RNGTT: variants seen among roughly 807,000 people sequenced by gnomAD.
RNGTT encodes the protein RNA guanylyltransferase and 5'-phosphatase, also known as mRNA-capping enzyme.
RNGTT carries 33 observed loss-of-function variants against 79.3 expected under a neutral mutation model. That is an observed-to-expected ratio of 0.42 (90% CI 0.32 to 0.56). The LOEUF (loss-of-function observed/expected upper bound fraction) is 0.56, where lower values mean the gene tolerates loss of function less well. Ranked by LOEUF, RNGTT falls within the 20% of genes least tolerant of loss-of-function variation. The pLI is 0.17. For synonymous variants in RNGTT, 222 were observed against 235.9 expected (o/e 0.94, Z 0.54); for missense variants, 497 against 739.1 (o/e 0.67, Z 3.80).
chr6:88,816,816 G>A (rs1253626046), intron 11 of RNGTT, among the ~76,000 whole-genome samples: 1 of 152,082 alleles, frequency 6.6e-6, no homozygotes, highest in Non-Finnish European at 1.5e-5. Context: ...AGGTGACCCA[G>A]ATATATGAGT....
At position 88,611,575 on chromosome 6, in the gene RNGTT, G is replaced by A. The variant is rs1772025431; in HGVS notation, c.*1144C>T. ...CTATCAGTAAACATTTTAAAATTCA[G>A]ATGTATAACAGAAATAACATCCGCA... On this transcript the variant is annotated 3_prime_UTR_variant, in exon 16 of 16. Transcript: ENST00000369485. The A allele has an allele frequency of 6.6e-6, 1 of 152,310 alleles. No homozygotes were observed. The highest frequency in any genetic ancestry group is 2.1e-4 in the South Asian group (1 of 4,828). 9.4% of individuals were successfully genotyped at this position (152,310 alleles called of 1,614,324 possible).
chr6:88,757,782 C>T (rs1490245983), intron 13 of RNGTT, among the ~76,000 whole-genome samples: 3 of 152,120 alleles, frequency 2.0e-5, no homozygotes, highest in Non-Finnish European at 4.4e-5. Context: ...TTTGAAGTCA[C>T]ACTATAAGAT....
intron 13 of RNGTT, among the ~76,000 whole-genome samples, chr6:88,716,996 C>A (rs1364426547): frequency 6.6e-6 from 1 of 152,074 alleles, no homozygotes. Context: ...AGCACTCATT[C>A]CATTTGTGAA....
At position 88,802,185 on chromosome 6, in the gene RNGTT, A is replaced by C. The variant is rs75390422; in HGVS notation, c.1270-553T>G. 2.6e-3 allele frequency among the ~76,000 whole-genome samples: 392 copies of C among 152,328 alleles called. 15 individuals are homozygous for C. The East Asian group carries it at 0.067, about 26-fold the overall frequency. On this transcript the variant is annotated intron_variant, in intron 11 of 15. Coordinates refer to ENST00000369485, the MANE Select transcript of RNGTT (RefSeq NM_003800.5). ...CTTGGGGGCAAGAATTTGTAACCACAAACCAGCTCAAACATGGAGATTATA... is the reference window on the plus strand; with the variant it reads ...CTTGGGGGCAAGAATTTGTAACCACCAACCAGCTCAAACATGGAGATTATA...
intron 8 of RNGTT, among the ~76,000 whole-genome samples, chr6:88,883,713 C>A (rs891724009): frequency 6.6e-6 from 1 of 151,884 alleles, no homozygotes; most frequent in Non-Finnish European, 1.5e-5. Flanking sequence ...TGAGAGAATT[C>A]TTCTTCAATC....
At position 88,809,325 on chromosome 6, in the gene RNGTT, C is replaced by G. The variant is rs919937109; in HGVS notation, c.1270-7693G>C. On this transcript the variant is annotated intron_variant, in intron 11 of 15. Transcript: ENST00000369485. ...ACTCTTCTCTGAGCAAACGACTGGA[C>G]AAATAGAAAAAAAAATCACTAGTAG... Among the ~76,000 whole-genome samples the G allele has an allele frequency of 6.6e-5, 10 of 151,278 alleles. No homozygotes were observed. The South Asian group carries it at 8.3e-4, about 13-fold the overall frequency.
intron 13 of RNGTT, among the ~76,000 whole-genome samples, chr6:88,691,358 A>T (rs1775474936): frequency 7.5e-6 from 1 of 133,260 alleles, no homozygotes; most frequent in Admixed American, 6.8e-5. Flanking sequence ...CTGTGAGTCA[A>T]TTACACCTCT....
At chr6:88,623,199 G>A (rs1772502556) in intron 14 of RNGTT, among the ~76,000 whole-genome samples, 1 of 151,930 alleles carries the variant, frequency 6.6e-6, no homozygotes, top group Admixed American at 6.6e-5. Flanking sequence ...CCAAAGGCCT[G>A]AGGTAAAAAA....
rs575049706 is a variant in RNGTT, at chr6:88,702,709, C to T, written c.1440-24290G>A. Among the ~76,000 whole-genome samples, 10 of 151,934 alleles carry T rather than the reference C, an allele frequency of 6.6e-5. No homozygotes were observed. In the East Asian group the frequency reaches 1.2e-3, roughly 18 times the overall value. On this transcript the variant is annotated intron_variant, in intron 13 of 15. Transcript: ENST00000369485. The stretch of plus-strand genomic sequence containing the variant: ...TGCAACAAAAACAAAAATTGACAAG[C>T]GGGACCTAATTAAAGAGCTTCTGCA...
intron 13 of RNGTT, among the ~76,000 whole-genome samples, chr6:88,717,758 C>T (rs750618940): frequency 3.9e-5 from 6 of 152,050 alleles, no homozygotes; most frequent in African/African-American, 7.2e-5. Flanking sequence ...AGAAGCTTTT[C>T]GACAATAACC....
chr6:88,798,284 G>A (rs1301361235), intron 12 of RNGTT, among the ~76,000 whole-genome samples: 1 of 152,000 alleles, frequency 6.6e-6, no homozygotes, highest in Admixed American at 6.6e-5. Flanking sequence ...CGGCAACAAG[G>A]CAAAACCCCG....
chr6:88,853,825 G>A, intron 8 of RNGTT, 61 bp from the exon 9 acceptor site: 1 of 1,011,404 alleles, frequency 9.9e-7, no homozygotes. Flanking sequence ...AGGGTCATGA[G>A]AAATAACATA....
chr6:88,687,694 G>C (rs901084644), intron 13 of RNGTT, among the ~76,000 whole-genome samples: 1 of 149,486 alleles, frequency 6.7e-6, no homozygotes. Flanking sequence ...AGGATATATA[G>C]TATGCTATCC....
intron 8 of RNGTT, 70 bp from the exon 9 acceptor site, chr6:88,853,834 T>C: frequency 2.1e-6 from 2 of 951,586 alleles, no homozygotes; most frequent in South Asian, 1.9e-5. Context: ...AGAAATAACA[T>C]ACTGGTTTTC....
chr6:88,619,103 G>A (rs1272541757), intron 14 of RNGTT, among the ~76,000 whole-genome samples: 2 of 151,852 alleles, frequency 1.3e-5, no homozygotes, highest in African/African-American at 4.8e-5. Flanking sequence ...AAACTCTCAG[G>A]TTGGCTTCCA....
chr6:88,647,633 GC>G (rs1773618354), intron 14 of RNGTT, among the ~76,000 whole-genome samples: 2 of 147,338 alleles, frequency 1.4e-5, no homozygotes, highest in African/African-American at 5.3e-5. Context: ...GATCACTTGA[GC>G]CTGAAAGTTT....
At chr6:88,948,395 G>A (rs1384258778) in intron 1 of RNGTT, among the ~76,000 whole-genome samples, 94 of 124,598 alleles carry the variant, frequency 7.5e-4, no homozygotes, top group Middle Eastern at 4.9e-3. Context: ...CAGCCGCCCC[G>A]TCCGGGAGGT....
chr6:88,778,244 G>A (rs1439126298), intron 12 of RNGTT, among the ~76,000 whole-genome samples: 2 of 152,112 alleles, frequency 1.3e-5, no homozygotes, highest in Non-Finnish European at 2.9e-5. Flanking sequence ...TGTAAGCCTT[G>A]AAGGATGGGT....
intron 12 of RNGTT, among the ~76,000 whole-genome samples, chr6:88,770,615 T>G (rs1303938523): frequency 6.6e-6 from 1 of 152,194 alleles, no homozygotes; most frequent in Non-Finnish European, 1.5e-5. Flanking sequence ...AACATTTGTA[T>G]TGACATGTTT....
Sources: gnomAD v4.1 joint callset for allele counts (sites outside exome capture counted in the v4.1 genomes callset) on GRCh38, gnomAD v4.1.1 for gene constraint, MANE v1.5 for transcripts, NCBI Gene and HGNC (gene_info 2026-07-23, HGNC 2026-07-21) for gene names.